TAGLN3: variants seen among roughly 807,000 people sequenced by gnomAD.
TAGLN3 encodes the protein transgelin-3.
A neutral mutation model predicts 25.4 loss-of-function variants in TAGLN3; 12 were observed. That is an observed-to-expected ratio of 0.47 (90% CI 0.30 to 0.77). TAGLN3 has a LOEUF of 0.77. Among genes scored for constraint, TAGLN3 ranks in the 30% least tolerant of loss-of-function variants. The pLI is 0.06. For synonymous variants in TAGLN3, 96 were observed against 94.8 expected (o/e 1.01, Z -0.08); for missense variants, 218 against 255.8 (o/e 0.85, Z 1.01).
intron 3 of TAGLN3, among the ~76,000 whole-genome samples, chr3:112,010,104 T>G (rs1254971176): frequency 6.6e-6 from 1 of 151,932 alleles, no homozygotes; most frequent in Non-Finnish European, 1.5e-5. Context: ...TGTTGGGAAT[T>G]TTCTAGATGC....
intron 2 of TAGLN3, chr3:112,000,483 C>T (rs7639791): frequency 0.28 from 84,685 of 303,314 alleles, 12,649 homozygotes; most frequent in East Asian, 0.45. Context: ...CTGTAAACAT[C>T]CTTTCCCTCA....
chr3:112,013,464 G>C lies in TAGLN3; in HGVS notation c.513G>C (p.Gln171His). Reference sequence around the variant, plus strand: ...CCGAGGAGCAGCTTCGCCAGGGACAGAACGTAATAGGCCTGCAGATGGGCA... The same window carrying C: ...CCGAGGAGCAGCTTCGCCAGGGACACAACGTAATAGGCCTGCAGATGGGCA... ...GFSEEQLRQGQNVIGLQMGSN... is the reference protein window; with the variant it reads ...GFSEEQLRQGHNVIGLQMGSN... Residue 171 changes from glutamine (Q) to histidine (H), a missense_variant, in exon 5 of 5, where the codon CAG becomes CAC. Gln to His is a conservative substitution (Grantham distance 24). Coordinates refer to ENST00000478951, the MANE Select transcript of TAGLN3 (RefSeq NM_001008272.2). 1 of 1,614,202 alleles carries C rather than the reference G, an allele frequency of 6.2e-7. No individual in the cohort carries two copies. The highest frequency in any genetic ancestry group is 1.3e-5 in the African/African-American group (1 of 75,062).
chr3:112,009,656 T>C (rs1257679082), intron 3 of TAGLN3, among the ~76,000 whole-genome samples: 1 of 152,216 alleles, frequency 6.6e-6, no homozygotes, highest in Non-Finnish European at 1.5e-5. Context: ...AGTTTTCTCG[T>C]CCACACATGA....
chr3:112,000,261 T>C (rs946234505), intron 2 of TAGLN3, among the ~76,000 whole-genome samples: 1 of 152,164 alleles, frequency 6.6e-6, no homozygotes, highest in Non-Finnish European at 1.5e-5. Context: ...GGGTTATATA[T>C]ATATATCTGG....
At chr3:112,012,215 G>C (rs9813351) in intron 4 of TAGLN3, among the ~76,000 whole-genome samples, 64,493 of 138,010 alleles carry the variant, frequency 0.47, 16,377 homozygotes, top group Middle Eastern at 0.63. Flanking sequence ...TGCCTGCCTG[G>C]CTGCTTCCCT....
At chr3:112,013,008 T>C (rs1423574041) in intron 4 of TAGLN3, among the ~76,000 whole-genome samples, 2 of 152,048 alleles carry the variant, frequency 1.3e-5, no homozygotes, top group Non-Finnish European at 2.9e-5. Context: ...AAGTCTGAGA[T>C]GGCCTAAAGT....
intron 3 of TAGLN3, among the ~76,000 whole-genome samples, chr3:112,007,534 A>G (rs912182307): frequency 1.6e-4 from 25 of 152,204 alleles, no homozygotes; most frequent in Non-Finnish European, 2.9e-4. Context: ...TTAGATAACC[A>G]GACTCTATCT....
rs540164171 is a variant in TAGLN3, at chr3:112,013,614, G to T, written c.*63G>T. 6.2e-7 allele frequency: 1 copy of T among 1,609,460 alleles called. No individual in the cohort carries two copies. Among genetic ancestry groups the T allele is most frequent in the East Asian group, 2.2e-5 (1 of 44,740 alleles). ...TCCACACCATGGTCTCTACGAAAAA[G>T]AAATAGTTAGTCACCTTCTGACCTT... On this transcript the variant is annotated 3_prime_UTR_variant, in exon 5 of 5. Transcript: ENST00000478951.
chr3:111,999,082 T>C lies in TAGLN3; in HGVS notation c.-35T>C. On this transcript the variant is annotated 5_prime_UTR_variant, in exon 1 of 5. Transcript: ENST00000478951. ...AGGGGGAAGAAACGTCCGCCACCCA[T>C]CCCCCTTGCTGCCTGGGGGTTCAGA... 5.5e-6 allele frequency: 1 copy of C among 180,352 alleles called. No homozygotes were observed. Among genetic ancestry groups the C allele is most frequent in the Non-Finnish European group, 1.2e-5 (1 of 86,532 alleles). The allele number at this position is 180,352 out of a possible 1,614,324, so 11.2% of individuals were successfully genotyped here.
intron 2 of TAGLN3, 136 bp from the exon 3 acceptor site, chr3:112,000,636 G>A (rs1405773229): frequency 7.8e-6 from 7 of 892,582 alleles, no homozygotes; most frequent in African/African-American, 3.3e-5. Context: ...CCCAGAGCCC[G>A]TGCCTTCCTA....
At chr3:112,002,257 A>G (rs2072868828) in intron 3 of TAGLN3, among the ~76,000 whole-genome samples, 1 of 152,250 alleles carries the variant, frequency 6.6e-6, no homozygotes, top group African/African-American at 2.4e-5. Flanking sequence ...TGCACAAGGC[A>G]TTGTACAAGT....
rs183794977 is a variant in TAGLN3, at chr3:112,007,169, C to G, written c.356-4594C>G. ...GATATTTTCCATATGCCCTCTCTCC[C>G]CCACAAATGCACAGCCTTCCCCATT... On this transcript the variant is annotated intron_variant, in intron 3 of 4. Coordinates refer to ENST00000478951, the MANE Select transcript of TAGLN3 (RefSeq NM_001008272.2). Among the ~76,000 whole-genome samples, 11 of 152,262 alleles carry G rather than the reference C, an allele frequency of 7.2e-5. No individual in the cohort carries two copies. The East Asian group carries it at 2.1e-3, about 29-fold the overall frequency.
chr3:112,001,630 G>A (rs548891344), intron 3 of TAGLN3, among the ~76,000 whole-genome samples: 3 of 152,204 alleles, frequency 2.0e-5, no homozygotes, highest in Admixed American at 2.0e-4. Context: ...CCCCTTTAGC[G>A]AAAATGTGTA....
intron 3 of TAGLN3, 124 bp downstream of exon 3, chr3:112,001,070 T>C (rs1262182895): frequency 1.2e-6 from 1 of 842,328 alleles, no homozygotes; most frequent in African/African-American, 1.7e-5. Flanking sequence ...TCTCAGCTGT[T>C]ATCCTGGGGG....
rs765814357 is a variant in TAGLN3 at position 112,013,643 on chromosome 3, C to A, written c.*92C>A. 2 of 1,572,170 alleles carry A rather than the reference C, an allele frequency of 1.3e-6. No individual in the cohort carries two copies. Among genetic ancestry groups the A allele is most frequent in the East Asian group, 2.3e-5 (1 of 43,106 alleles). On this transcript the variant is annotated 3_prime_UTR_variant, in exon 5 of 5. Coordinates refer to ENST00000478951, the MANE Select transcript of TAGLN3 (RefSeq NM_001008272.2). ...TAGTTAGTCACCTTCTGACCTTCTC[C>A]TCTTTCTCAAAGCCTTCTGTCCCTG...
intron 3 of TAGLN3, among the ~76,000 whole-genome samples, chr3:112,003,995 C>T (rs970941597): frequency 6.6e-6 from 1 of 152,210 alleles, no homozygotes; most frequent in African/African-American, 2.4e-5. Context: ...TTCAGATAGA[C>T]TGCAGGGTAA....
intron 3 of TAGLN3, among the ~76,000 whole-genome samples, chr3:112,006,001 C>T (rs1353207251): frequency 3.3e-5 from 5 of 151,738 alleles, no homozygotes; most frequent in South Asian, 2.1e-4. Context: ...CCTCGTGATC[C>T]GCCCACCTCG....
chr3:112,001,171 A>G (rs115293531), intron 3 of TAGLN3, among the ~76,000 whole-genome samples: 56 of 152,326 alleles, frequency 3.7e-4, no homozygotes, highest in African/African-American at 1.3e-3. Flanking sequence ...AGGGGATCTC[A>G]GCAACTAATG....
intron 1 of TAGLN3, 140 bp downstream of exon 1, chr3:111,999,254 C>A: frequency 1.5e-6 from 1 of 687,718 alleles, no homozygotes; most frequent in Non-Finnish European, 2.3e-6. Context: ...TAGGTGAAAC[C>A]CCATTGGCTT....
Sources: allele counts gnomAD v4.1 joint callset (sites outside exome capture counted in the v4.1 genomes callset), GRCh38; gene constraint gnomAD v4.1.1; transcripts MANE v1.5; gene names NCBI Gene and HGNC (gene_info 2026-07-23, HGNC 2026-07-21).